The following PPP2R2B variants were observed in gnomAD, a reference collection of about 807,000 sequenced individuals.
PPP2R2B encodes serine/threonine-protein phosphatase 2A 55 kDa regulatory subunit B beta isoform.
A neutral mutation model predicts 46.0 loss-of-function variants in PPP2R2B; 5 were observed. The ratio of observed to expected loss-of-function variants is 0.11; its 90% confidence interval spans 0.06 to 0.23. The LOEUF is 0.23. Among genes scored for constraint, PPP2R2B ranks in the 10% least tolerant of loss-of-function variants. The probability of loss-of-function intolerance (pLI) is 1.00; values close to 1 mark genes in which losing one functional copy is unlikely to be tolerated. For missense variants in PPP2R2B, 367 were observed against 575.0 expected (o/e 0.64, Z 3.70); for synonymous variants, 215 against 206.7 (o/e 1.04, Z -0.34).
intron 1 of PPP2R2B, among the ~76,000 whole-genome samples, chr5:146,981,544 T>C (rs1334615633): frequency 6.6e-6 from 1 of 152,210 alleles, no homozygotes; most frequent in Non-Finnish European, 1.5e-5. Context: ...TTTGAGATAA[T>C]TGTGGGTTCA....
intron 1 of PPP2R2B, among the ~76,000 whole-genome samples, chr5:146,956,154 G>T (rs1330807881): frequency 1.3e-5 from 2 of 151,838 alleles, no homozygotes; most frequent in Non-Finnish European, 2.9e-5. Context: ...GCAGAACAAA[G>T]GTAAAATACA....
chr5:146,734,802 T>C (rs914603557), intron 2 of PPP2R2B, among the ~76,000 whole-genome samples: 2 of 152,208 alleles, frequency 1.3e-5, no homozygotes, highest in Admixed American at 6.5e-5. Flanking sequence ...ACCTTCCATA[T>C]AAAGACCTGA....
chr5:147,054,507 C>T (rs958200172), intron 1 of PPP2R2B: 1 of 417,638 alleles, frequency 2.4e-6, no homozygotes, highest in African/African-American at 2.1e-5. Context: ...CATGAGATAT[C>T]AATGTCTATG....
chr5:147,003,104 G>A (rs1754261163), intron 1 of PPP2R2B, among the ~76,000 whole-genome samples: 1 of 152,132 alleles, frequency 6.6e-6, no homozygotes, highest in African/African-American at 2.4e-5. Flanking sequence ...GGCAAATGGA[G>A]TGAAATACCT....
In PPP2R2B at chr5:147,025,853, A is replaced by T. The variant is rs148298376; in HGVS notation, c.79+29812T>A. Among the ~76,000 whole-genome samples the T allele has an allele frequency of 2.4e-3, 367 of 152,278 alleles. 1 individual carries two copies. The highest frequency in any genetic ancestry group is 8.5e-3 in the African/African-American group (354 of 41,592). ...CCATGACAAAATGTTAGCATTTAGA[A>T]GTAAGCAAATAAGAACATAAAAAGA... On this transcript the variant is annotated intron_variant, in intron 1 of 8. Transcript: ENST00000336640.
chr5:146,767,673 C>G (rs1377374868), intron 2 of PPP2R2B, among the ~76,000 whole-genome samples: 1 of 152,122 alleles, frequency 6.6e-6, no homozygotes, highest in Non-Finnish European at 1.5e-5. Flanking sequence ...CACAGCCTCC[C>G]CATTATCAAC....
intron 1 of PPP2R2B, among the ~76,000 whole-genome samples, chr5:146,935,913 G>T (rs1312043290): frequency 1.3e-5 from 2 of 152,204 alleles, no homozygotes; most frequent in East Asian, 3.9e-4. Context: ...GGCAAGTTAT[G>T]CCACTTCTAA....
At chr5:146,606,901 A>T (rs1270644325) in intron 7 of PPP2R2B, 1 of 152,182 alleles carries the variant, frequency 6.6e-6, no homozygotes, top group Non-Finnish European at 1.5e-5. Context: ...TCACGATGAA[A>T]AAGGAACGGG....
intron 2 of PPP2R2B, among the ~76,000 whole-genome samples, chr5:146,868,152 A>C (rs1761417567): frequency 6.6e-6 from 1 of 152,266 alleles, no homozygotes; most frequent in Non-Finnish European, 1.5e-5. Flanking sequence ...ACTCCAGCCC[A>C]GGACTGTCTC....
rs951826266 is a variant in PPP2R2B, at chr5:146,767,589, A to G, written c.71-66447T>C. Among the ~76,000 whole-genome samples, 4 of 152,152 alleles carry G rather than the reference A, an allele frequency of 2.6e-5. No individual in the cohort carries two copies. In the East Asian group the frequency reaches 5.8e-4, roughly 22 times the overall value. ...ATATATATTTAGTAGACTTTTTTAG[A>G]GCAGTTTTAAGTTCACAGAAAAATT... On this transcript the variant is annotated intron_variant, in intron 2 of 9. Transcript: ENST00000394411.
chr5:146,607,313 A>C (rs547303292), intron 7 of PPP2R2B: 1 of 152,330 alleles, frequency 6.6e-6, no homozygotes, highest in Non-Finnish European at 1.5e-5. Context: ...CTACTGTGCT[A>C]CCAGGGGCCT....
chr5:146,721,403 C>T (rs976615643), intron 2 of PPP2R2B, among the ~76,000 whole-genome samples: 1 of 152,142 alleles, frequency 6.6e-6, no homozygotes, highest in Admixed American at 6.5e-5. Flanking sequence ...GTGAAACATC[C>T]AGAGGCTCTT....
At chr5:146,674,674 A>G (rs1777589170) in intron 5 of PPP2R2B, among the ~76,000 whole-genome samples, 1 of 152,160 alleles carries the variant, frequency 6.6e-6, no homozygotes, top group Non-Finnish European at 1.5e-5. Context: ...CTCCTCCATC[A>G]TTGGCAGCAG....
At chr5:146,822,385 C>T (rs1391959770) in intron 2 of PPP2R2B, among the ~76,000 whole-genome samples, 1 of 152,164 alleles carries the variant, frequency 6.6e-6, no homozygotes, top group Non-Finnish European at 1.5e-5. Flanking sequence ...GCCTAACTCT[C>T]ATACCACTGT....
At chr5:146,768,888 CTT>C (rs35054666) in intron 2 of PPP2R2B, among the ~76,000 whole-genome samples, 2 of 145,272 alleles carry the variant, frequency 1.4e-5, no homozygotes. Context: ...TTTGTTGTTA[CTT>C]TTTTTTTTTT....
chr5:146,878,361 C>A lies in PPP2R2B; in HGVS notation c.-124-166G>T. On this transcript the variant is annotated intron_variant, in intron 1 of 9. Coordinates refer to ENST00000394411, the MANE Select transcript of PPP2R2B (RefSeq NM_181675.4). The surrounding 1 kb of genome is among the most constrained non-coding windows in gnomAD (Gnocchi z 4.5). ...ATGCTGCGCCTGCCTCCGCTGCCTCCGGGTGCCAAGATACGCCGTGCCCCG... is the reference window on the plus strand; with the variant it reads ...ATGCTGCGCCTGCCTCCGCTGCCTCAGGGTGCCAAGATACGCCGTGCCCCG... The A allele has an allele frequency of 1.4e-6, 2 of 1,435,724 alleles. No homozygotes were observed. The highest frequency in any genetic ancestry group is 2.9e-5 in the Admixed American group (1 of 34,888). The allele number at this position is 1,435,724 out of a possible 1,614,324, so 88.9% of individuals were successfully genotyped here.
Position 146,842,914 on chromosome 5 carries a change from C to T in PPP2R2B, c.70+35088G>A, listed in dbSNP as rs986850343. On this transcript the variant is annotated intron_variant, in intron 2 of 9. Transcript: ENST00000394411. Reference sequence around the variant, plus strand: ...TTCTAATACTTTAAAATTGGCTGGGCGCGGTGGCTCACGCCTGTAATCCCA... The same window carrying T: ...TTCTAATACTTTAAAATTGGCTGGGTGCGGTGGCTCACGCCTGTAATCCCA... 4.6e-5 allele frequency among the ~76,000 whole-genome samples: 7 copies of T among 152,278 alleles called. No individual in the cohort carries two copies. The East Asian group carries it at 1.2e-3, about 25-fold the overall frequency.
At chr5:146,803,084 A>G (rs145226940) in intron 2 of PPP2R2B, among the ~76,000 whole-genome samples, 1 of 152,322 alleles carries the variant, frequency 6.6e-6, no homozygotes, top group Non-Finnish European at 1.5e-5. Flanking sequence ...TATGCTCCAA[A>G]TGCTACTTCT....
At chr5:146,597,691 C>T (rs879500874) in intron 8 of PPP2R2B, among the ~76,000 whole-genome samples, 6 of 152,174 alleles carry the variant, frequency 3.9e-5, no homozygotes, top group Non-Finnish European at 7.4e-5. Context: ...CTGAGCAACC[C>T]TACCACCCTA....
Sources: allele counts gnomAD v4.1 joint callset (sites outside exome capture counted in the v4.1 genomes callset), GRCh38; gene constraint gnomAD v4.1.1; non-coding constraint Gnocchi (gnomAD v3.1); transcripts MANE v1.5; gene names NCBI Gene and HGNC (gene_info 2026-07-23, HGNC 2026-07-21).